EGFLAM: variants seen among roughly 807,000 people sequenced by gnomAD.
EGFLAM encodes pikachurin.
Under a neutral mutation model 113.1 loss-of-function variants are expected in EGFLAM, and 79 were observed. That is an observed-to-expected ratio of 0.70 (90% CI 0.58 to 0.84). The LOEUF (loss-of-function observed/expected upper bound fraction) is 0.84. Ranked by LOEUF, EGFLAM falls within the 40% of genes least tolerant of loss-of-function variation. The pLI is 0.00. For missense variants in EGFLAM, 1,265 were observed against 1,291.6 expected (o/e 0.98, Z 0.32); for synonymous variants, 504 against 487.6 (o/e 1.03, Z -0.44).
intron 1 of EGFLAM, chr5:38,305,340 T>C (rs1758695174): frequency 3.3e-6 from 1 of 304,336 alleles, no homozygotes; most frequent in Non-Finnish European, 6.7e-6. Context: ...AGGAAAATTA[T>C]TTCTAACCTA....
rs931868116 is a variant in EGFLAM at position 38,439,065 on chromosome 5, C to A, written c.2464+610C>A. 2.6e-5 allele frequency among the ~76,000 whole-genome samples: 4 copies of A among 152,274 alleles called. 1 individual carries two copies. The highest frequency in any genetic ancestry group is 7.2e-5 in the African/African-American group (3 of 41,548). On this transcript the variant is annotated intron_variant, in intron 17 of 21. Coordinates refer to ENST00000322350, the MANE Select transcript of EGFLAM (RefSeq NM_152403.4). Reference sequence around the variant, plus strand: ...CTAACACAGAGGGTTATAGTATTGACTAAATGAGACAATGGATCCAGAACA... The same window carrying A: ...CTAACACAGAGGGTTATAGTATTGAATAAATGAGACAATGGATCCAGAACA...
intron 6 of EGFLAM, among the ~76,000 whole-genome samples, chr5:38,371,260 G>T (rs887309544): frequency 2.6e-5 from 4 of 152,110 alleles, no homozygotes; most frequent in African/African-American, 9.7e-5. Context: ...TTTCAGTATT[G>T]CCAATACATT....
chr5:38,349,566 T>C (rs1286873888), intron 3 of EGFLAM, among the ~76,000 whole-genome samples: 1 of 152,124 alleles, frequency 6.6e-6, no homozygotes, highest in East Asian at 1.9e-4. Context: ...AGAATCAGGA[T>C]TCAAGCCCAG....
chr5:38,394,410 A>G (rs953055909), intron 6 of EGFLAM, among the ~76,000 whole-genome samples: 13 of 147,790 alleles, frequency 8.8e-5, no homozygotes, highest in African/African-American at 3.0e-4. Flanking sequence ...TTTAGTAACC[A>G]CATTTTTTTT....
chr5:38,323,507 A>G (rs1023698198), intron 1 of EGFLAM, among the ~76,000 whole-genome samples: 2 of 152,196 alleles, frequency 1.3e-5, no homozygotes, highest in Non-Finnish European at 2.9e-5. Flanking sequence ...TTTTAGTTTC[A>G]AATGCTATGT....
intron 1 of EGFLAM, among the ~76,000 whole-genome samples, chr5:38,305,783 A>T (rs556904224): frequency 3.1e-4 from 47 of 152,194 alleles, no homozygotes; most frequent in Admixed American, 6.5e-4. Context: ...TGAATTTATT[A>T]TGTAGGTTCT....
intron 6 of EGFLAM, among the ~76,000 whole-genome samples, chr5:38,404,487 A>G (rs1238881380): frequency 2.0e-5 from 3 of 152,236 alleles, no homozygotes; most frequent in Non-Finnish European, 2.9e-5. Context: ...TTTGTGGTTT[A>G]CAAGCCATCA....
intron 1 of EGFLAM, among the ~76,000 whole-genome samples, chr5:38,289,734 A>T (rs1246900722): frequency 6.6e-6 from 1 of 152,180 alleles, no homozygotes; most frequent in Non-Finnish European, 1.5e-5. Flanking sequence ...TGAAGGCAAG[A>T]ATTCTATAAT....
intron 1 of EGFLAM, among the ~76,000 whole-genome samples, chr5:38,296,165 G>C (rs1373428526): frequency 6.6e-6 from 1 of 152,190 alleles, no homozygotes; most frequent in Non-Finnish European, 1.5e-5. Flanking sequence ...ATAGGGTATT[G>C]ATGGGTTCAG....
chr5:38,272,265 T>C (rs1485831978), intron 1 of EGFLAM, among the ~76,000 whole-genome samples: 1 of 152,180 alleles, frequency 6.6e-6, no homozygotes, highest in Non-Finnish European at 1.5e-5. Context: ...CTTTATAATG[T>C]CTTTGGAGGC....
intron 14 of EGFLAM, among the ~76,000 whole-genome samples, chr5:38,428,767 T>G (rs1237033090): frequency 6.6e-6 from 1 of 152,226 alleles, no homozygotes; most frequent in Non-Finnish European, 1.5e-5. Flanking sequence ...CTCTCTTTCA[T>G]AACTCTGTGC....
At position 38,273,176 on chromosome 5, in the gene EGFLAM, C is replaced by T. The variant is rs200269779; in HGVS notation, c.97+14325C>T. 9.2e-5 allele frequency among the ~76,000 whole-genome samples: 14 copies of T among 152,256 alleles called. No individual in the cohort carries two copies. In the East Asian group the frequency reaches 2.5e-3, roughly 27 times the overall value. Reference sequence around the variant, plus strand: ...CAATAGGCAGCACAGCATGGAGAGACACACCATACACTTGAGGGAAAGAAA... The same window carrying T: ...CAATAGGCAGCACAGCATGGAGAGATACACCATACACTTGAGGGAAAGAAA... On this transcript the variant is annotated intron_variant, in intron 1 of 21. Transcript: ENST00000322350.
intron 1 of EGFLAM, among the ~76,000 whole-genome samples, chr5:38,325,809 T>G (rs932274295): frequency 1.3e-5 from 2 of 152,144 alleles, no homozygotes; most frequent in Admixed American, 1.3e-4. Flanking sequence ...TCAGAATGGT[T>G]GTTATCTCTG....
intron 1 of EGFLAM, among the ~76,000 whole-genome samples, chr5:38,261,540 T>C (rs1757501357): frequency 6.6e-6 from 1 of 152,214 alleles, no homozygotes; most frequent in Non-Finnish European, 1.5e-5. Flanking sequence ...ATTTAAACTC[T>C]GATATTCAGG....
rs117524302 is a variant in EGFLAM, at chr5:38,460,398, A to T, written c.2771+2004A>T. On this transcript the variant is annotated intron_variant, in intron 20 of 21. Coordinates refer to ENST00000322350, the MANE Select transcript of EGFLAM (RefSeq NM_152403.4). ...CCTAGACTATACAACTGTTTGTGGG[A>T]AAAGCCAAGATTAGAATCCCAGCTC... Among the ~76,000 whole-genome samples the T allele has an allele frequency of 6.2e-4, 94 of 152,352 alleles. 1 individual carries two copies. The East Asian group carries it at 0.018, about 29-fold the overall frequency.
chr5:38,451,282 G>A lies in EGFLAM; in HGVS notation c.2544-33G>A, dbSNP rs1742903692. 1.9e-6 allele frequency: 3 copies of A among 1,601,328 alleles called. No individual in the cohort carries two copies. The East Asian group carries it at 6.7e-5, about 36-fold the overall frequency. ...TACTCGGAAACAGATGTTGGTGGTT[G>A]ATTTGGTGGACTTATTTGTGTATTT... On this transcript the variant is annotated intron_variant, in intron 18 of 21. Transcript: ENST00000322350.
intron 3 of EGFLAM, among the ~76,000 whole-genome samples, chr5:38,349,773 G>GCGCGCACA (rs1554049180): frequency 7.2e-4 from 94 of 131,040 alleles, no homozygotes; most frequent in African/African-American, 1.8e-3. Context: ...AAGTACACAC[G>GCGCGCACA]CACACACACA....
At chr5:38,386,458 G>T (rs1409028287) in intron 6 of EGFLAM, among the ~76,000 whole-genome samples, 2 of 152,172 alleles carry the variant, frequency 1.3e-5, no homozygotes, top group African/African-American at 4.8e-5. Context: ...CTCACAAAGT[G>T]CTGAGATTAC....
chr5:38,297,325 G>A (rs746363810), intron 1 of EGFLAM, among the ~76,000 whole-genome samples: 1 of 152,112 alleles, frequency 6.6e-6, no homozygotes, highest in African/African-American at 2.4e-5. Context: ...TAAAGATAAT[G>A]GTGTAGTTAA....
Sources: gnomAD v4.1 joint callset for allele counts (sites outside exome capture counted in the v4.1 genomes callset) on GRCh38, gnomAD v4.1.1 for gene constraint, MANE v1.5 for transcripts, NCBI Gene and HGNC (gene_info 2026-07-23, HGNC 2026-07-21) for gene names.